Variants in SPINK9 observed in about 807,000 individuals in gnomAD.
The protein encoded by SPINK9 is serine protease inhibitor Kazal-type 9.
A neutral mutation model predicts 10.8 loss-of-function variants in SPINK9; 3 were observed. The observed-to-expected ratio is 0.28, with a 90% CI of 0.13 to 0.72. The LOEUF (loss-of-function observed/expected upper bound fraction) is 0.72. Among genes scored for constraint, SPINK9 ranks in the 30% least tolerant of loss-of-function variants. The probability of loss-of-function intolerance (pLI) is 0.74; values close to 1 mark genes in which losing one functional copy is unlikely to be tolerated. For missense variants in SPINK9, 101 were observed against 103.2 expected, an observed-to-expected ratio of 0.98 and a Z score of 0.09; for synonymous variants, 30 against 31.2, an observed-to-expected ratio of 0.96 and a Z score of 0.12.
chr5:148,336,601 A>C, intron 2 of SPINK9, 148 bp downstream of exon 2: 1 of 858,106 alleles, frequency 1.2e-6, no homozygotes, highest in Non-Finnish European at 1.8e-6. Context: ...TTGTAGGCAG[A>C]TCTTTCTAAA....
chr5:148,338,778 C>T (rs572212880), intron 3 of SPINK9, among the ~76,000 whole-genome samples, 173 bp downstream of exon 3: 1 of 152,238 alleles, frequency 6.6e-6, no homozygotes, highest in Middle Eastern at 3.4e-3. Flanking sequence ...AATATCCCCA[C>T]ATATTCTGGA....
intron 2 of SPINK9, among the ~76,000 whole-genome samples, chr5:148,338,181 A>G (rs1757242623): frequency 6.6e-6 from 1 of 152,140 alleles, no homozygotes; most frequent in Non-Finnish European, 1.5e-5. Flanking sequence ...GTTGCATTTG[A>G]GAATATGCCA....
At chr5:148,328,548 G>C (rs375725439) in intron 2 of SPINK9, among the ~76,000 whole-genome samples, 23 of 152,182 alleles carry the variant, frequency 1.5e-4, no homozygotes, top group Admixed American at 6.5e-5. Context: ...TGTTGAATAG[G>C]AGTGGTGAGA....
rs774897041 is a variant in SPINK9 at position 148,338,557 on chromosome 5, C to T, written c.167C>T (p.Ser56Phe). Residue 56 changes from serine to phenylalanine, a missense_variant, in exon 3 of 4, where the codon TCT becomes TTT. Ser to Phe is a radical substitution (Grantham distance 155). Coordinates refer to ENST00000377906, the MANE Select transcript of SPINK9 (RefSeq NM_001040433.2). Reference sequence around the variant, plus strand: ...CATATGTATGATCCAATTTGTGGATCTGATGGCAAAACTTATAAAAATGAT... The same window carrying T: ...CATATGTATGATCCAATTTGTGGATTTGATGGCAAAACTTATAAAAATGAT... ...CHHMYDPICG[S>F]DGKTYKNDCF... 1 of 1,605,430 alleles carries T rather than the reference C, an allele frequency of 6.2e-7. No homozygotes were observed. The highest frequency in any genetic ancestry group is 8.5e-7 in the Non-Finnish European group (1 of 1,173,696).
At chr5:148,322,489 A>C (rs1193936541) in intron 1 of SPINK9, among the ~76,000 whole-genome samples, 1 of 152,212 alleles carries the variant, frequency 6.6e-6, no homozygotes, top group Non-Finnish European at 1.5e-5. Context: ...CCAAAAGCTG[A>C]AAATGCTTCA....
At position 148,335,648 on chromosome 5, in the gene SPINK9, T is replaced by C; in HGVS notation, c.35T>C (p.Leu12Pro). ...ACAGCCATAGTCCTACTCTTGGCTC[T>C]GACACTTGCAACCATGTTCAGTGAG... ...RATAIVLLLA[L>P]TLATMFSIEC... Residue 12 changes from leucine (L) to proline (P), a missense_variant, in exon 1 of 4, where the codon CTG (leucine) becomes CCG (proline). By Grantham distance (98) the Leu-to-Pro change is moderately conservative (BLOSUM62 -3). Coordinates refer to ENST00000377906, the MANE Select transcript of SPINK9 (RefSeq NM_001040433.2). 6.2e-7 allele frequency: 1 copy of C among 1,613,716 alleles called. No individual in the cohort carries two copies. Among genetic ancestry groups the C allele is most frequent in the Non-Finnish European group, 8.5e-7 (1 of 1,179,850 alleles).
intron 2 of SPINK9, among the ~76,000 whole-genome samples, chr5:148,329,931 G>C (rs1757124071): frequency 6.6e-6 from 1 of 152,060 alleles, no homozygotes; most frequent in Non-Finnish European, 1.5e-5. Flanking sequence ...CCAACTATGT[G>C]GTCAATTTTG....
At chr5:148,323,266 A>T (rs1561764624) in intron 1 of SPINK9, among the ~76,000 whole-genome samples, 1 of 152,168 alleles carries the variant, frequency 6.6e-6, no homozygotes, top group Non-Finnish European at 1.5e-5. Flanking sequence ...AAAGTTAACA[A>T]GCAGAATTTT....
Position 148,339,746 on chromosome 5 carries a change from CA to C in SPINK9, c.*35del, listed in dbSNP as rs1483546352. On this transcript the variant is annotated 3_prime_UTR_variant, in exon 4 of 4. Transcript: ENST00000377906. Reference sequence around the variant, plus strand: ...TGTGAGTCCAAAATATCTTTTAATGCATCTATTCACAAGAGTCACATTTCTG... The same window carrying C: ...TGTGAGTCCAAAATATCTTTTAATGCTCTATTCACAAGAGTCACATTTCTG... 6.5e-7 allele frequency: 1 copy of C among 1,534,756 alleles called. No homozygotes were observed. Among genetic ancestry groups the C allele is most frequent in the Non-Finnish European group, 9.0e-7 (1 of 1,109,212 alleles).
At chr5:148,336,551 ATTTAC>A in intron 2 of SPINK9, 98 bp downstream of exon 2, 20 of 1,288,916 alleles carry the variant, frequency 1.6e-5, no homozygotes, top group Middle Eastern at 2.1e-4. Context: ...ATGTTTGAAT[ATTTAC>A]TTTATGTGTA....
rs761589217 is a variant in SPINK9, at chr5:148,338,538, T to C, written c.148T>C (p.Tyr50His). The change falls in exon 3 of 4, where the codon TAT becomes CAT. Residue 50 changes from tyrosine to histidine, a missense_variant. Transcript: ENST00000377906. Reference protein sequence around the residue: ...PGQQRFCHHMYDPICGSDGKT... With the variant: ...PGQQRFCHHMHDPICGSDGKT... Reference sequence around the variant, plus strand: ...ACAACAGAGATTTTGTCATCATATGTATGATCCAATTTGTGGATCTGATGG... The same window carrying C: ...ACAACAGAGATTTTGTCATCATATGCATGATCCAATTTGTGGATCTGATGG... The C allele has an allele frequency of 6.2e-7, 1 of 1,610,226 alleles. No homozygotes were observed. Among genetic ancestry groups the C allele is most frequent in the South Asian group, 1.1e-5 (1 of 90,774 alleles).
chr5:148,335,538 C>T (rs1232281734), upstream of SPINK9: 1 of 1,315,144 alleles, frequency 7.6e-7, no homozygotes, highest in Non-Finnish European at 1.1e-6. Flanking sequence ...ATATATAAGG[C>T]AGGATCAAAG....
At chr5:148,326,741 C>T (rs1162324710) in intron 2 of SPINK9, among the ~76,000 whole-genome samples, 1 of 151,960 alleles carries the variant, frequency 6.6e-6, no homozygotes, top group East Asian at 1.9e-4. Context: ...TCAATTCCCA[C>T]CTATGAGTGA....
upstream of SPINK9, among the ~76,000 whole-genome samples, chr5:148,331,275 G>T (rs1417097108): frequency 1.3e-5 from 2 of 152,212 alleles, no homozygotes; most frequent in Non-Finnish European, 2.9e-5. Flanking sequence ...ATACACAATG[G>T]AATATTATTC....
intron 2 of SPINK9, among the ~76,000 whole-genome samples, chr5:148,329,262 C>A (rs7734521): frequency 0.4 from 60,785 of 151,986 alleles, 14,420 homozygotes; most frequent in African/African-American, 0.66. Flanking sequence ...GAATTTATCC[C>A]TGTCTTCTAG....
At chr5:148,324,233 A>G (rs573235380) in intron 2 of SPINK9, among the ~76,000 whole-genome samples, 2 of 152,296 alleles carry the variant, frequency 1.3e-5, no homozygotes, top group East Asian at 1.9e-4. Flanking sequence ...AGGAGAATGT[A>G]TAACTTGGAA....
intron 2 of SPINK9, among the ~76,000 whole-genome samples, chr5:148,329,352 T>A (rs1430748666): frequency 6.6e-6 from 1 of 152,194 alleles, no homozygotes; most frequent in Non-Finnish European, 1.5e-5. Context: ...GGTGGTGATA[T>A]CCCCTTTGTC....
chr5:148,328,159 G>C (rs1206099341), intron 2 of SPINK9, among the ~76,000 whole-genome samples: 1 of 152,094 alleles, frequency 6.6e-6, no homozygotes, highest in Non-Finnish European at 1.5e-5. Flanking sequence ...TCTTCCATTT[G>C]TTTGTATCCT....
chr5:148,337,579 G>T (rs1035014992), intron 2 of SPINK9, among the ~76,000 whole-genome samples: 5 of 152,124 alleles, frequency 3.3e-5, no homozygotes, highest in Non-Finnish European at 7.4e-5. Context: ...TATACAGCTG[G>T]AGTTTGTGTA....
Sources: allele counts gnomAD v4.1 joint callset (sites outside exome capture counted in the v4.1 genomes callset), GRCh38; gene constraint gnomAD v4.1.1; transcripts MANE v1.5; gene names NCBI Gene and HGNC (gene_info 2026-07-23, HGNC 2026-07-21).